The following UNC80 variants were observed in gnomAD, a reference collection of about 807,000 sequenced individuals.
UNC80 encodes the protein protein unc-80 homolog.
Under a neutral mutation model 384.6 loss-of-function variants are expected in UNC80, and 164 were observed. That is an observed-to-expected ratio of 0.43 (90% CI 0.38 to 0.49). UNC80 has a LOEUF of 0.49. Ranked by LOEUF, UNC80 falls within the 20% of genes least tolerant of loss-of-function variation. The pLI is 0.00. For synonymous variants in UNC80, 1,486 were observed against 1,527.8 expected, an observed-to-expected ratio of 0.97 and a Z score of 0.64; for missense variants, 3,330 against 4,143.0, an observed-to-expected ratio of 0.80 and a Z score of 5.39.
intron 3 of UNC80, among the ~76,000 whole-genome samples, chr2:209,776,835 A>G (rs577159478): frequency 6.6e-6 from 1 of 152,270 alleles, no homozygotes; most frequent in African/African-American, 2.4e-5. Flanking sequence ...TCATCTGGCA[A>G]TGTGTCCTAC....
At chr2:209,913,284 C>T (rs906589603) in intron 30 of UNC80, among the ~76,000 whole-genome samples, 1 of 152,090 alleles carries the variant, frequency 6.6e-6, no homozygotes, top group African/African-American at 2.4e-5. Context: ...ATATTTGTCA[C>T]CCAAATTGTC....
intron 22 of UNC80, among the ~76,000 whole-genome samples, chr2:209,853,575 A>G (rs536650765): frequency 1.3e-5 from 2 of 152,190 alleles, no homozygotes; most frequent in Non-Finnish European, 1.5e-5. Flanking sequence ...GCATTTTTTA[A>G]AAGACATATT....
intron 24 of UNC80, among the ~76,000 whole-genome samples, chr2:209,880,463 A>G (rs911379978): frequency 4.6e-5 from 7 of 152,222 alleles, no homozygotes; most frequent in African/African-American, 1.7e-4. Context: ...CACTGCCCTC[A>G]AAACAGCAAG....
In UNC80 at chr2:209,997,765, C is replaced by G. The variant is rs1056348333; in HGVS notation, c.*2170C>G. 6.6e-6 allele frequency: 1 copy of G among 152,072 alleles called. No homozygotes were observed. The highest frequency in any genetic ancestry group is 2.4e-5 in the African/African-American group (1 of 41,418). The allele number at this position is 152,072 out of a possible 1,614,324, so 9.4% of individuals were successfully genotyped here. A position where few individuals can be genotyped will look rare whatever the true frequency, so the allele number is the denominator to read the frequency against. On this transcript the variant is annotated 3_prime_UTR_variant, in exon 65 of 65. Transcript: ENST00000673920. ...CTTATAGAGTAGGAATGTTTTCATA[C>G]TGGGACTACTGAAATTTTGCAGATG...
intron 10 of UNC80, 43 bp from the exon 11 acceptor site, chr2:209,817,769 C>G (rs2079848779): frequency 6.5e-7 from 1 of 1,548,940 alleles, no homozygotes; most frequent in East Asian, 2.4e-5. Flanking sequence ...GAATAACTTT[C>G]AGATTTTAAA....
intron 6 of UNC80, 34 bp from the exon 7 acceptor site, chr2:209,793,686 A>G (rs1474607276): frequency 6.2e-7 from 1 of 1,607,516 alleles, no homozygotes; most frequent in Non-Finnish European, 8.5e-7. Flanking sequence ...AAAACAAAAA[A>G]CAAAACCTAA....
intron 8 of UNC80, 109 bp from the exon 9 acceptor site, chr2:209,815,148 A>G: frequency 9.3e-7 from 1 of 1,071,018 alleles, no homozygotes; most frequent in Non-Finnish European, 1.3e-6. Flanking sequence ...TCAATTGTTC[A>G]AAGATGTCAA....
chr2:209,777,230 A>C, intron 3 of UNC80, 28 bp from the exon 4 acceptor site: 1 of 1,545,186 alleles, frequency 6.5e-7, no homozygotes, highest in Non-Finnish European at 8.7e-7. Flanking sequence ...AGTTTTTCTT[A>C]ACCTGCCTGT....
intron 51 of UNC80, among the ~76,000 whole-genome samples, chr2:209,964,411 A>G (rs890987533): frequency 6.6e-6 from 1 of 152,236 alleles, no homozygotes; most frequent in African/African-American, 2.4e-5. Flanking sequence ...AATTAAATAC[A>G]AAGGCAGTAG....
At chr2:209,891,576 A>G (rs190791697) in intron 26 of UNC80, among the ~76,000 whole-genome samples, 1 of 152,266 alleles carries the variant, frequency 6.6e-6, no homozygotes, top group African/African-American at 2.4e-5. Flanking sequence ...ATTAATTTTA[A>G]GAACTTTAAT....
At chr2:209,931,464 G>C (rs113016792) in intron 38 of UNC80, among the ~76,000 whole-genome samples, 6,751 of 147,414 alleles carry the variant, frequency 0.046, 499 homozygotes, top group African/African-American at 0.16. Context: ...ATATATTTTT[G>C]CATGGCAACT....
At chr2:209,961,658 TG>T (rs1406472289) in intron 51 of UNC80, among the ~76,000 whole-genome samples, 2 of 152,020 alleles carry the variant, frequency 1.3e-5, no homozygotes, top group African/African-American at 2.4e-5. Flanking sequence ...AAGCAAAGAA[TG>T]AAAAAAAGAT....
chr2:209,969,223 A>T (rs1336502807), intron 52 of UNC80: 4 of 152,860 alleles, frequency 2.6e-5, no homozygotes, highest in Non-Finnish European at 5.8e-5. Context: ...AACACCATTT[A>T]TACTACCATA....
At chr2:209,897,009 C>A (rs1179870821) in intron 28 of UNC80, among the ~76,000 whole-genome samples, 3 of 152,084 alleles carry the variant, frequency 2.0e-5, no homozygotes, top group African/African-American at 7.2e-5. Flanking sequence ...CCAGGACCAT[C>A]ACGGGGGTCA....
rs537309819 is a variant in UNC80 at position 209,867,412 on chromosome 2, G to A, written c.3628-5346G>A. 4.0e-5 allele frequency among the ~76,000 whole-genome samples: 6 copies of A among 151,820 alleles called. No individual in the cohort carries two copies. The South Asian group carries it at 1.3e-3, about 32-fold the overall frequency. ...AAGAACATTTTAAAAATTATTTTTG[G>A]GGGCTGGGGGGCATGGAATTAGCCC... On this transcript the variant is annotated intron_variant, in intron 22 of 64. Transcript: ENST00000673920.
At chr2:209,885,776 A>G (rs1323418730) in intron 25 of UNC80, among the ~76,000 whole-genome samples, 2 of 142,246 alleles carry the variant, frequency 1.4e-5, no homozygotes, top group Non-Finnish European at 3.0e-5. Context: ...TTTTTTTGAG[A>G]TGGAGTTTCA....
chr2:209,932,226 G>A (rs1416213339), intron 38 of UNC80, among the ~76,000 whole-genome samples: 1 of 152,146 alleles, frequency 6.6e-6, no homozygotes, highest in Non-Finnish European at 1.5e-5. Context: ...GAGTCCCATA[G>A]GGCTCTAACA....
chr2:209,777,169 G>C (rs2153824655), intron 3 of UNC80, 89 bp from the exon 4 acceptor site: 1 of 1,379,336 alleles, frequency 7.2e-7, no homozygotes, highest in Non-Finnish European at 9.8e-7. Context: ...ATAGAGAAAG[G>C]AGGGATATTC....
intron 7 of UNC80, chr2:209,809,199 G>A: frequency 1.5e-6 from 1 of 664,970 alleles, no homozygotes; most frequent in South Asian, 1.7e-5. Context: ...TGTGCAAGCA[G>A]CTGGCCCAGG....
Sources: gnomAD v4.1 joint callset for allele counts (sites outside exome capture counted in the v4.1 genomes callset) on GRCh38, gnomAD v4.1.1 for gene constraint, MANE v1.5 for transcripts, NCBI Gene and HGNC (gene_info 2026-07-23, HGNC 2026-07-21) for gene names.